The following PECAM1 variants were observed in gnomAD, a reference collection of about 807,000 sequenced individuals.
The protein encoded by PECAM1 is platelet endothelial cell adhesion molecule.
PECAM1 carries 8 observed loss-of-function variants against 13.8 expected under a neutral mutation model. The observed-to-expected ratio is 0.58, with a 90% CI of 0.34 to 1.05. The LOEUF (loss-of-function observed/expected upper bound fraction) is 1.05, where lower values mean the gene tolerates loss of function less well. Ranked by LOEUF, PECAM1 falls within the 50% of genes least tolerant of loss-of-function variation. The probability of loss-of-function intolerance (pLI) is 0.03; values close to 1 mark genes in which losing one functional copy is unlikely to be tolerated. For missense variants in PECAM1, 304 were observed against 141.2 expected (o/e 2.15, Z -5.84); for synonymous variants, 136 against 52.6 (o/e 2.58, Z -6.86).
At chr17:64,352,288 C>A (rs2035742612) in intron 11 of PECAM1, 102 bp downstream of exon 11, 2 of 421,262 alleles carry the variant, frequency 4.7e-6, no homozygotes, top group African/African-American at 2.0e-5. Flanking sequence ...GGTTTCTCTT[C>A]CAACTGTAAT....
At chr17:64,365,623 A>T (rs2036086375) in intron 5 of PECAM1, among the ~76,000 whole-genome samples, 1 of 152,094 alleles carries the variant, frequency 6.6e-6, no homozygotes, top group Admixed American at 6.6e-5. Flanking sequence ...ACCAAAACAG[A>T]GATATAGATC....
At chr17:64,339,436 T>G (rs1397278232) in intron 14 of PECAM1, among the ~76,000 whole-genome samples, 2 of 152,054 alleles carry the variant, frequency 1.3e-5, no homozygotes, top group Admixed American at 6.6e-5. Context: ...AGTGCTCAAA[T>G]AGGAGATTTT....
chr17:64,340,718 G>A (rs1394462912), intron 14 of PECAM1, among the ~76,000 whole-genome samples: 3 of 152,074 alleles, frequency 2.0e-5, no homozygotes, highest in Non-Finnish European at 2.9e-5. Context: ...GGGTCGTCAC[G>A]GGAAGCGAAG....
chr17:64,380,109 A>G (rs2036450042), intron 2 of PECAM1, among the ~76,000 whole-genome samples: 1 of 152,028 alleles, frequency 6.6e-6, no homozygotes, highest in Non-Finnish European at 1.5e-5. Flanking sequence ...AGGTGGGTGA[A>G]TCACCTGAGG....
chr17:64,364,578 T>C (rs1299143782), intron 5 of PECAM1, among the ~76,000 whole-genome samples: 13 of 150,750 alleles, frequency 8.6e-5, no homozygotes, highest in Admixed American at 5.3e-4. Flanking sequence ...CTCAATAAAA[T>C]ACTGGCAAAC....
intron 6 of PECAM1, among the ~76,000 whole-genome samples, chr17:64,362,134 C>T (rs1290035672): frequency 1.3e-5 from 2 of 152,160 alleles, no homozygotes; most frequent in Non-Finnish European, 2.9e-5. Flanking sequence ...AAAGTGTGGT[C>T]CAGAGACCAA....
chr17:64,366,219 A>G (rs1314306083), intron 5 of PECAM1, among the ~76,000 whole-genome samples: 1 of 150,456 alleles, frequency 6.6e-6, no homozygotes, highest in Non-Finnish European at 1.5e-5. Flanking sequence ...AAACACATGA[A>G]AAAATGCTCA....
At chr17:64,362,801 A>G (rs2036014309) in intron 6 of PECAM1, among the ~76,000 whole-genome samples, 2 of 151,710 alleles carry the variant, frequency 1.3e-5, no homozygotes, top group East Asian at 3.9e-4. Flanking sequence ...GCAGTGAGCT[A>G]TCGTGCCACT....
chr17:64,380,684 CAAATTATTAG>C (rs1173888112), intron 2 of PECAM1, among the ~76,000 whole-genome samples: 10 of 152,114 alleles, frequency 6.6e-5, no homozygotes, highest in African/African-American at 2.4e-4. Flanking sequence ...AGTCTGCAGA[CAAATTATTAG>C]AAATAAATGT....
At chr17:64,344,267 A>G (rs1176787663) in intron 13 of PECAM1, among the ~76,000 whole-genome samples, 6 of 151,948 alleles carry the variant, frequency 3.9e-5, no homozygotes, top group African/African-American at 7.3e-5. Flanking sequence ...GTGGGCAGGC[A>G]GAGTTGCAGC....
chr17:64,324,060 C>A (rs562141400), intron 15 of PECAM1: 1 of 813,358 alleles, frequency 1.2e-6, no homozygotes. Context: ...CAGAAGACAA[C>A]ATTTCACAGA....
At chr17:64,363,601 G>T (rs2143822429) in intron 5 of PECAM1, among the ~76,000 whole-genome samples, 1 of 152,236 alleles carries the variant, frequency 6.6e-6, no homozygotes, top group East Asian at 1.9e-4. Flanking sequence ...CCAATGGCAG[G>T]TTTTCCTTTC....
chr17:64,324,848 G>C lies in PECAM1; in HGVS notation c.2188-1003C>G, dbSNP rs1427518816. Among the ~76,000 whole-genome samples, 7 of 152,228 alleles carry C rather than the reference G, an allele frequency of 4.6e-5. 1 individual carries two copies. The highest frequency in any genetic ancestry group is 3.9e-4 in the Admixed American group (6 of 15,282). ...GTCAAATTCATAGAGACAGAAAGTAGACAGTGGTTGCTAGGGGTTGCTGGA... is the reference window on the plus strand; with the variant it reads ...GTCAAATTCATAGAGACAGAAAGTACACAGTGGTTGCTAGGGGTTGCTGGA... On this transcript the variant is annotated intron_variant, in intron 15 of 15. Transcript: ENST00000563924.
chr17:64,377,482 A>G, intron 3 of PECAM1: 1 of 159,642 alleles, frequency 6.3e-6, no homozygotes, highest in Non-Finnish European at 1.4e-5. Flanking sequence ...GTGGTGGCAC[A>G]CACCTGTAAT....
rs1458470091 is a variant in PECAM1, at chr17:64,366,950, T to G, written c.967+2800A>C. Among the ~76,000 whole-genome samples, 3 of 147,830 alleles carry G rather than the reference T, an allele frequency of 2.0e-5. No homozygotes were observed. The East Asian group carries it at 5.9e-4, about 29-fold the overall frequency. On this transcript the variant is annotated intron_variant, in intron 5 of 15. Coordinates refer to ENST00000563924, the MANE Select transcript of PECAM1 (RefSeq NM_000442.5). ...GTAACTAACCTGCACATTGTGCACA[T>G]GTACCCTAAAACTTAAAGTATAATA...
At chr17:64,335,384 C>T (rs1011351363) in intron 14 of PECAM1, among the ~76,000 whole-genome samples, 14 of 151,382 alleles carry the variant, frequency 9.2e-5, no homozygotes, top group Non-Finnish European at 1.9e-4. Flanking sequence ...GCCTGAGTGA[C>T]AGAGCCAGAC....
rs56131050 is a variant in PECAM1, at chr17:64,355,163, C to G, written c.1781-123G>C. ...TTCTCACAGCTCTTGTAACTGGCAG[C>G]TTGCCTTAGCATCCATCTACCTCTG... On this transcript the variant is annotated intron_variant, in intron 8 of 15. Coordinates refer to ENST00000563924, the MANE Select transcript of PECAM1 (RefSeq NM_000442.5). 1.7e-3 allele frequency: 698 copies of G among 403,462 alleles called. 2 individuals carry two copies. Among genetic ancestry groups the G allele is most frequent in the Non-Finnish European group, 2.5e-3 (572 of 225,354 alleles). The allele number at this position is 403,462 out of a possible 1,614,324, so 25.0% of individuals were successfully genotyped here.
chr17:64,346,647 GT>G (rs1229283861), intron 13 of PECAM1, among the ~76,000 whole-genome samples: 3 of 152,128 alleles, frequency 2.0e-5, no homozygotes, highest in African/African-American at 7.2e-5. Flanking sequence ...GGAGATGCAT[GT>G]TTTTTATGGT....
intron 14 of PECAM1, among the ~76,000 whole-genome samples, chr17:64,338,492 T>C (rs11079537): frequency 0.44 from 67,411 of 151,790 alleles, 16,153 homozygotes; most frequent in East Asian, 0.69. Flanking sequence ...AAAAACCATC[T>C]TTCCTTTGTC....
Sources: allele counts gnomAD v4.1 joint callset (sites outside exome capture counted in the v4.1 genomes callset), GRCh38; gene constraint gnomAD v4.1.1; transcripts MANE v1.5; gene names NCBI Gene and HGNC (gene_info 2026-07-23, HGNC 2026-07-21).